ASB8: variants seen among roughly 807,000 people sequenced by gnomAD.
The protein encoded by ASB8 is ankyrin repeat and SOCS box protein 8.
ASB8 carries 15 observed loss-of-function variants against 22.9 expected under a neutral mutation model. That is an observed-to-expected ratio of 0.66 (90% CI 0.44 to 1.01). ASB8 has a LOEUF of 1.01. Ranked by LOEUF, ASB8 falls within the 50% of genes least tolerant of loss-of-function variation. The pLI, the probability that ASB8 is intolerant of heterozygous loss-of-function variation, is 0.00. For synonymous variants in ASB8, 124 were observed against 140.8 expected (o/e 0.88, Z 0.84); for missense variants, 294 against 356.9 (o/e 0.82, Z 1.42).
rs755008943 is a variant in ASB8, at chr12:48,150,104, C to G, written c.235-106G>C. On this transcript the variant is annotated intron_variant, in intron 3 of 3. Transcript: ENST00000317697. ...CCCACTACCTTTGCTATGCAGTGCTCTGAACAGGAGGGTCAGCAAGCAACT... is the reference window on the plus strand; with the variant it reads ...CCCACTACCTTTGCTATGCAGTGCTGTGAACAGGAGGGTCAGCAAGCAACT... 7 of 1,300,566 alleles carry G rather than the reference C, an allele frequency of 5.4e-6. No homozygotes were observed. The African/African-American group carries it at 1.0e-4, about 19-fold the overall frequency. The allele number at this position is 1,300,566 out of a possible 1,614,324, so 80.6% of individuals were successfully genotyped here.
rs544449366 is a variant in ASB8 at position 48,148,029 on chromosome 12, C to A, written c.*1337G>T. On this transcript the variant is annotated 3_prime_UTR_variant, in exon 4 of 4. Coordinates refer to ENST00000317697, the MANE Select transcript of ASB8 (RefSeq NM_024095.5). Reference sequence around the variant, plus strand: ...AAGAGTATCGTTCACTAAAGCAGATCTCTTTTGGGTAGATGGACCATCACA... The same window carrying A: ...AAGAGTATCGTTCACTAAAGCAGATATCTTTTGGGTAGATGGACCATCACA... 6.6e-6 allele frequency: 1 copy of A among 152,330 alleles called. No individual in the cohort carries two copies. The highest frequency in any genetic ancestry group is 2.1e-4 in the South Asian group (1 of 4,832). The allele number at this position is 152,330 out of a possible 1,614,324, so 9.4% of individuals were successfully genotyped here. A position where few individuals can be genotyped will look rare whatever the true frequency, so the allele number is the denominator to read the frequency against.
intron 1 of ASB8, among the ~76,000 whole-genome samples, chr12:48,156,122 TATAAATTCTG>T (rs1565931029): frequency 6.6e-6 from 1 of 152,154 alleles, no homozygotes; most frequent in East Asian, 1.9e-4. Context: ...TATTATATAC[TATAAATTCTG>T]ATAGTTTCTA....
intron 2 of ASB8, among the ~76,000 whole-genome samples, chr12:48,152,234 A>G (rs1951215750): frequency 6.6e-6 from 1 of 152,122 alleles, no homozygotes; most frequent in African/African-American, 2.4e-5. Flanking sequence ...CTAGAATTAG[A>G]ATGTTACAAG....
At chr12:48,153,228 A>T (rs970275670) in intron 2 of ASB8, 140 bp downstream of exon 2, 5 of 979,232 alleles carry the variant, frequency 5.1e-6, no homozygotes, top group Admixed American at 4.2e-5. Flanking sequence ...AATACATTTT[A>T]ATGATCAAGT....
At chr12:48,157,028 C>T (rs946555449) in intron 1 of ASB8, 3 of 150,396 alleles carry the variant, frequency 2.0e-5, no homozygotes, top group African/African-American at 7.4e-5. Flanking sequence ...AGAGAAGACA[C>T]AACAGCTCTG....
At chr12:48,154,738 G>C (rs57430775) in intron 1 of ASB8, among the ~76,000 whole-genome samples, 28,458 of 151,962 alleles carry the variant, frequency 0.19, 3,246 homozygotes, top group African/African-American at 0.32. Flanking sequence ...AGGAGTTCGA[G>C]ACCAGCCTTA....
intron 3 of ASB8, chr12:48,150,969 A>G (rs1951190605): frequency 3.3e-6 from 2 of 602,042 alleles, no homozygotes; most frequent in Non-Finnish European, 5.9e-6. Context: ...TATCAGCACC[A>G]TACAATGGGG....
chr12:48,151,524 G>A, intron 2 of ASB8: 3 of 1,372,772 alleles, frequency 2.2e-6, no homozygotes, highest in Middle Eastern at 3.6e-4. Context: ...CTTAGATCAA[G>A]TTACTAAGTT....
At position 48,151,227 on chromosome 12, in the gene ASB8, C is replaced by A; in HGVS notation, c.208G>T (p.Glu70Ter). The change falls in exon 3 of 4, where the codon GAG (glutamate) becomes TAG (stop). Residue 70 changes from glutamate (E) to a stop codon, truncating the protein, a stop_gained. Coordinates refer to ENST00000317697, the MANE Select transcript of ASB8 (RefSeq NM_024095.5). LOFTEE classifies it high-confidence loss of function. ...TCGGCTCCTTTTTCCAGAAGTAACT[C>A]CACACAGTCAGCATCTGACACCATA... ...ACMVSDADCV[E>*]LLLEKGAEVN... 1 of 1,613,846 alleles carries A rather than the reference C, an allele frequency of 6.2e-7. No homozygotes were observed. Among genetic ancestry groups the A allele is most frequent in the Non-Finnish European group, 8.5e-7 (1 of 1,179,748 alleles).
At chr12:48,155,777 TTTA>T (rs1285437482) in intron 1 of ASB8, among the ~76,000 whole-genome samples, 6 of 131,412 alleles carry the variant, frequency 4.6e-5, no homozygotes, top group African/African-American at 1.9e-4. Flanking sequence ...AGTCTTTTGC[TTTA>T]TTTTTTTTTT....
chr12:48,149,665 G>A lies in ASB8; in HGVS notation c.568C>T (p.Arg190Cys), dbSNP rs552443351. 14 of 1,613,982 alleles carry A rather than the reference G, an allele frequency of 8.7e-6. No homozygotes were observed. The highest frequency in any genetic ancestry group is 5.0e-5 in the Admixed American group (3 of 60,004). ...INLIGQTPIS[R>C]LVALLVRGLG... ...CCCCTGACTAGCAGAGCCACCAGGC[G>A]GGAGATGGGTGTCTGGCCTATTAGG... Residue 190 changes from arginine to cysteine, a missense_variant, in exon 4 of 4, where the codon CGC becomes TGC. Physicochemically the swap from Arg to Cys is radical, Grantham distance 180 (BLOSUM62 -3). Transcript: ENST00000317697.
intron 2 of ASB8, among the ~76,000 whole-genome samples, chr12:48,152,571 T>G (rs1199971020): frequency 6.6e-6 from 1 of 152,224 alleles, no homozygotes; most frequent in Non-Finnish European, 1.5e-5. Context: ...ATAATTACCA[T>G]GCATTTTAGA....
chr12:48,156,861 A>C (rs1023086609), intron 1 of ASB8, among the ~76,000 whole-genome samples: 9 of 152,096 alleles, frequency 5.9e-5, no homozygotes, highest in African/African-American at 2.2e-4. Flanking sequence ...ACTAGACAGC[A>C]GCCCGTGTAA....
chr12:48,148,195 T>C lies in ASB8; in HGVS notation c.*1171A>G, dbSNP rs368960428. The stretch of plus-strand genomic sequence containing the variant: ...CAAACTAAGCAGAGTGAACTTTCCA[T>C]TGGGAATGAAGACCCATGGGAAAAG... On this transcript the variant is annotated 3_prime_UTR_variant, in exon 4 of 4. Coordinates refer to ENST00000317697, the MANE Select transcript of ASB8 (RefSeq NM_024095.5). The C allele has an allele frequency of 2.6e-5, 4 of 152,172 alleles. No individual in the cohort carries two copies. The highest frequency in any genetic ancestry group is 7.2e-5 in the African/African-American group (3 of 41,410). 9.4% of individuals were successfully genotyped at this position (152,172 alleles called of 1,614,324 possible).
intron 3 of ASB8, among the ~76,000 whole-genome samples, chr12:48,150,706 C>A (rs1199118132): frequency 6.6e-6 from 1 of 152,054 alleles, no homozygotes; most frequent in Non-Finnish European, 1.5e-5. Flanking sequence ...AAAAAAAAAC[C>A]CTGAAACATT....
At position 48,151,313 on chromosome 12, in the gene ASB8, C is replaced by G. The variant is rs186030211; in HGVS notation, c.130-8G>C. On this transcript the variant is annotated splice_region_variant and splice_polypyrimidine_tract_variant and intron_variant, in intron 2 of 3. Coordinates refer to ENST00000317697, the MANE Select transcript of ASB8 (RefSeq NM_024095.5). ...GCAGTTCACATCTGCTCCCTGTGGG[C>G]AGAAGACAACTTCAGTCAGTGTGTT... 4 of 1,600,034 alleles carry G rather than the reference C, an allele frequency of 2.5e-6. No homozygotes were observed. The Admixed American group carries it at 6.7e-5, about 27-fold the overall frequency.
At position 48,149,901 on chromosome 12, in the gene ASB8, G is replaced by A. The variant is rs1354841294; in HGVS notation, c.332C>T (p.Pro111Leu). ...ATCTCTGTTGCCATCCAAAGCATTG[G>A]GGTTTGCACCATACTCCAATAGGAC... is the stretch of plus-strand genomic sequence containing the variant. Reference protein sequence around the residue: ...VEVLLEYGANPNALDGNRDTP... With the variant: ...VEVLLEYGANLNALDGNRDTP... The change falls in exon 4 of 4, where the codon CCC (proline) becomes CTC (leucine). Residue 111 changes from proline (P) to leucine (L), a missense_variant. By Grantham distance (98) the Pro-to-Leu change is moderately conservative (BLOSUM62 -3). Transcript: ENST00000317697. 1 of 1,614,128 alleles carries A rather than the reference G, an allele frequency of 6.2e-7. No individual in the cohort carries two copies. The highest frequency in any genetic ancestry group is 2.2e-5 in the East Asian group (1 of 44,880).
At chr12:48,155,326 G>A (rs1007682236) in intron 1 of ASB8, among the ~76,000 whole-genome samples, 1 of 152,166 alleles carries the variant, frequency 6.6e-6, no homozygotes, top group African/African-American at 2.4e-5. Flanking sequence ...CTTAACATCT[G>A]TTGAACCAAT....
At chr12:48,152,168 C>T in intron 2 of ASB8, among the ~76,000 whole-genome samples, 1 of 145,278 alleles carries the variant, frequency 6.9e-6, no homozygotes, top group East Asian at 2.0e-4. Context: ...AAAAAAAAAT[C>T]AAGGGAGATG....
Sources: allele counts gnomAD v4.1 joint callset (sites outside exome capture counted in the v4.1 genomes callset), GRCh38; gene constraint gnomAD v4.1.1; transcripts MANE v1.5; gene names NCBI Gene and HGNC (gene_info 2026-07-23, HGNC 2026-07-21).